Variants in CTNND2 observed in about 807,000 individuals in gnomAD.
The protein encoded by CTNND2 is catenin delta-2.
CTNND2 carries 22 observed loss-of-function variants against 144.4 expected under a neutral mutation model. The ratio of observed to expected loss-of-function variants is 0.15; its 90% CI spans 0.11 to 0.22. CTNND2 has a LOEUF of 0.22. Ranked by LOEUF, CTNND2 falls within the 10% of genes least tolerant of loss-of-function variation. The pLI, the probability that CTNND2 is intolerant of heterozygous loss-of-function variation, is 1.00. For missense variants in CTNND2, 1,353 were observed against 1,618.8 expected, an observed-to-expected ratio of 0.84 and a Z score of 2.82; for synonymous variants, 751 against 695.6, an observed-to-expected ratio of 1.08 and a Z score of -1.25.
intron 3 of CTNND2, among the ~76,000 whole-genome samples, chr5:11,482,363 C>T (rs558521268): frequency 6.6e-6 from 1 of 152,302 alleles, no homozygotes; most frequent in East Asian, 1.9e-4. Context: ...ATTCTGAACT[C>T]TTCCCCAGAA....
At chr5:11,870,726 G>A (rs1212388501) in intron 1 of CTNND2, among the ~76,000 whole-genome samples, 5 of 152,188 alleles carry the variant, frequency 3.3e-5, no homozygotes, top group Admixed American at 6.5e-5. Context: ...ATGAAGAGGT[G>A]GCCCCAGCAT....
chr5:11,655,624 G>A (rs1435662485), intron 2 of CTNND2, among the ~76,000 whole-genome samples: 1 of 152,072 alleles, frequency 6.6e-6, no homozygotes, highest in Non-Finnish European at 1.5e-5. Context: ...ACATTGTTCA[G>A]CTCAAGGTCA....
At chr5:11,727,458 C>G (rs2126731752) in intron 2 of CTNND2, among the ~76,000 whole-genome samples, 1 of 152,264 alleles carries the variant, frequency 6.6e-6, no homozygotes, top group East Asian at 1.9e-4. Context: ...CAGCTTCAAA[C>G]AGATGATCAC....
intron 9 of CTNND2, among the ~76,000 whole-genome samples, chr5:11,319,290 C>A (rs1453725562): frequency 6.6e-6 from 1 of 151,834 alleles, no homozygotes; most frequent in Non-Finnish European, 1.5e-5. Flanking sequence ...CAGAGCCAAG[C>A]CCATGGTTTA....
chr5:11,326,034 C>T (rs894284609), intron 9 of CTNND2, among the ~76,000 whole-genome samples: 1 of 152,186 alleles, frequency 6.6e-6, no homozygotes, highest in East Asian at 1.9e-4. Context: ...GCCTATTACA[C>T]ACACATGCGC....
At chr5:11,897,077 G>T (rs1400496821) in intron 1 of CTNND2, among the ~76,000 whole-genome samples, 1 of 152,072 alleles carries the variant, frequency 6.6e-6, no homozygotes, top group African/African-American at 2.4e-5. Context: ...TCTTTCTGGA[G>T]GATTCTTCTT....
At chr5:11,010,404 T>A (rs1243289856) in intron 18 of CTNND2, among the ~76,000 whole-genome samples, 2 of 152,252 alleles carry the variant, frequency 1.3e-5, no homozygotes, top group East Asian at 1.9e-4. Context: ...AATAAAATTA[T>A]GAATTTTGAC....
chr5:11,509,480 A>G (rs1386514387), intron 3 of CTNND2, among the ~76,000 whole-genome samples: 1 of 152,216 alleles, frequency 6.6e-6, no homozygotes, highest in Non-Finnish European at 1.5e-5. Context: ...AAGGCAAAAA[A>G]ACTGAATAAT....
At chr5:11,595,810 T>A (rs1044548559) in intron 2 of CTNND2, among the ~76,000 whole-genome samples, 1 of 152,158 alleles carries the variant, frequency 6.6e-6, no homozygotes, top group Non-Finnish European at 1.5e-5. Flanking sequence ...ACGACAACGA[T>A]TGCCAGAAAA....
In CTNND2 at chr5:11,362,538, C is replaced by T. The variant is rs529266997; in HGVS notation, c.1372+2158G>A. On this transcript the variant is annotated intron_variant, in intron 8 of 21. Coordinates refer to ENST00000304623, the MANE Select transcript of CTNND2 (RefSeq NM_001332.4). ...AGTTTCTCCTCCTCCACTTGTGGTC[C>T]TAAGAGGTCATCCAAGCACTTCTGG... Among the ~76,000 whole-genome samples the T allele has an allele frequency of 4.6e-5, 7 of 152,210 alleles. No homozygotes were observed. In the East Asian group the frequency reaches 1.4e-3, roughly 29 times the overall value.
chr5:11,003,587 GCA>G (rs1475219533), intron 18 of CTNND2, among the ~76,000 whole-genome samples: 2 of 152,184 alleles, frequency 1.3e-5, no homozygotes, highest in East Asian at 1.9e-4. Context: ...ATATTCTGAT[GCA>G]CAGTCTGTGT....
At chr5:11,686,223 GAAAAAATATATATTT>G (rs1367808113) in intron 2 of CTNND2, among the ~76,000 whole-genome samples, 4 of 150,914 alleles carry the variant, frequency 2.7e-5, no homozygotes, top group Non-Finnish European at 5.9e-5. Context: ...AAAAAAGAAA[GAAAAAATATATATTT>G]AAGGAAAAAC....
intron 1 of CTNND2, among the ~76,000 whole-genome samples, chr5:11,783,586 A>C (rs1790670568): frequency 6.6e-6 from 1 of 152,136 alleles, no homozygotes; most frequent in South Asian, 2.1e-4. Flanking sequence ...AGAGCAGATG[A>C]CATAACTGCA....
chr5:11,065,549 A>G (rs777393294), intron 16 of CTNND2, among the ~76,000 whole-genome samples: 5 of 152,180 alleles, frequency 3.3e-5, no homozygotes, highest in Non-Finnish European at 5.9e-5. Flanking sequence ...TTCAACAAAC[A>G]TCCTTGCCAA....
chr5:11,160,537 T>C lies in CTNND2; in HGVS notation c.1976-778A>G, dbSNP rs889321627. On this transcript the variant is annotated intron_variant, in intron 11 of 21. Coordinates refer to ENST00000304623, the MANE Select transcript of CTNND2 (RefSeq NM_001332.4). ...GAAAAGGTCATAAACATTGCATATA[T>C]ATTATAACATCATTTGAAAATGCTT... Among the ~76,000 whole-genome samples, 4 of 152,250 alleles carry C rather than the reference T, an allele frequency of 2.6e-5. No homozygotes were observed. In the East Asian group the frequency reaches 5.8e-4, roughly 22 times the overall value.
intron 1 of CTNND2, among the ~76,000 whole-genome samples, chr5:11,817,733 C>G (rs746411497): frequency 6.6e-6 from 1 of 151,784 alleles, no homozygotes; most frequent in Non-Finnish European, 1.5e-5. Flanking sequence ...GGATGGGATG[C>G]GAGTCCACTC....
intron 12 of CTNND2, among the ~76,000 whole-genome samples, chr5:11,139,672 T>C (rs375363093): frequency 3.3e-5 from 5 of 152,236 alleles, no homozygotes; most frequent in East Asian, 3.9e-4. Flanking sequence ...CTGTGTGGCT[T>C]CCTGGTGCTC....
At chr5:11,196,952 C>T (rs1047570943) in intron 11 of CTNND2, among the ~76,000 whole-genome samples, 1 of 152,222 alleles carries the variant, frequency 6.6e-6, no homozygotes, top group African/African-American at 2.4e-5. Flanking sequence ...GCTTGCTTTA[C>T]ATCATTGAGG....
chr5:11,540,219 T>G (rs1774600749), intron 3 of CTNND2, among the ~76,000 whole-genome samples: 1 of 152,110 alleles, frequency 6.6e-6, no homozygotes, highest in African/African-American at 2.4e-5. Context: ...GCCCTCCTGC[T>G]GCTCACTTCA....
Sources: gnomAD v4.1 joint callset for allele counts (sites outside exome capture counted in the v4.1 genomes callset) on GRCh38, gnomAD v4.1.1 for gene constraint, MANE v1.5 for transcripts, NCBI Gene and HGNC (gene_info 2026-07-23, HGNC 2026-07-21) for gene names.